Variants in PLEKHM1 observed in about 807,000 individuals in gnomAD.
PLEKHM1 encodes pleckstrin homology and RUN domain containing M1.
PLEKHM1 carries 28 observed loss-of-function variants against 94.3 expected under a neutral mutation model. The ratio of observed to expected loss-of-function variants is 0.30; its 90% CI spans 0.22 to 0.41. The LOEUF (loss-of-function observed/expected upper bound fraction) is 0.41. PLEKHM1 is among the 10% of genes least tolerant of loss of function. The pLI, the probability that PLEKHM1 is intolerant of heterozygous loss-of-function variation, is 1.00. For missense variants in PLEKHM1, 907 were observed against 1,358.6 expected, an observed-to-expected ratio of 0.67 and a Z score of 5.22; for synonymous variants, 424 against 581.2, an observed-to-expected ratio of 0.73 and a Z score of 3.89.
Position 45,468,478 on chromosome 17 carries a change from T to C in PLEKHM1, c.1039A>G (p.Ser347Gly). ...GGTGCCTCACAGTGCAGGTATGTGC[T>C]GGTGTTGAGGCCATGGAGGGAGAGC... ...ASLSLHGLNTSTYLHCEAPAE... is the reference protein window; with the variant it reads ...ASLSLHGLNTGTYLHCEAPAE... The change falls in exon 5 of 12, where the codon AGC becomes GGC. Residue 347 changes from serine (S) to glycine (G), a missense_variant. Ser to Gly is a moderately conservative substitution (Grantham distance 56). Around this residue, in one of 3 missense-constraint regions of PLEKHM1, gnomAD observed 477 missense variants for 601.5 expected, o/e 0.79. Transcript: ENST00000430334. 6.2e-7 allele frequency: 1 copy of C among 1,614,194 alleles called. No individual in the cohort carries two copies. Among genetic ancestry groups the C allele is most frequent in the Non-Finnish European group, 8.5e-7 (1 of 1,180,030 alleles).
Position 45,453,148 on chromosome 17 carries a change from G to C in PLEKHM1, c.2497+207C>G. 6 of 629,054 alleles carry C rather than the reference G, an allele frequency of 9.5e-6. No homozygotes were observed. In the South Asian group the frequency reaches 1.1e-4, roughly 11 times the overall value. 39.0% of individuals were successfully genotyped at this position (629,054 alleles called of 1,614,324 possible). ...TGGCAGGAGAGGGACGGGTGAGCAG[G>C]GCCCACTGCCTATGAGCAGGGCACT... On this transcript the variant is annotated intron_variant, in intron 7 of 11. Transcript: ENST00000430334. This position sits in a 1 kb window ranked among gnomAD's most constrained non-coding sequence, Gnocchi z 4.1.
chr17:45,440,246 G>A lies in PLEKHM1; in HGVS notation c.2838-20C>T, dbSNP rs1567760362. Reference sequence around the variant, plus strand: ...TTGAGCCTTCAAACAAAACACAAGCGATTCTTTAGAAAGGTTTCCAGAACC... The same window carrying A: ...TTGAGCCTTCAAACAAAACACAAGCAATTCTTTAGAAAGGTTTCCAGAACC... On this transcript the variant is annotated intron_variant, in intron 9 of 11. Transcript: ENST00000430334. The A allele has an allele frequency of 6.8e-6, 11 of 1,612,254 alleles. No individual in the cohort carries two copies. Among genetic ancestry groups the A allele is most frequent in the Non-Finnish European group, 9.3e-6 (11 of 1,178,318 alleles).
chr17:45,453,184 G>A lies in PLEKHM1; in HGVS notation c.2497+171C>T, dbSNP rs56278545. The A allele has an allele frequency of 0.51, 338,264 of 661,858 alleles. 88,682 individuals are homozygous for A. The highest frequency in any genetic ancestry group is 0.6 in the South Asian group (36,154 of 60,342). The allele number at this position is 661,858 out of a possible 1,614,324, so 41.0% of individuals were successfully genotyped here. Reference sequence around the variant, plus strand: ...TATGAGCAGGGCACTGGCCCCAGCCGGGGCTGGGGAGGAGCAGAAGCTGTA... The same window carrying A: ...TATGAGCAGGGCACTGGCCCCAGCCAGGGCTGGGGAGGAGCAGAAGCTGTA... On this transcript the variant is annotated intron_variant, in intron 7 of 11. Transcript: ENST00000430334. This position sits in a 1 kb window ranked among gnomAD's most constrained non-coding sequence, Gnocchi z 4.1.
chr17:45,475,620 G>T lies in PLEKHM1; in HGVS notation c.403C>A (p.Leu135Met). 7.4e-6 allele frequency: 12 copies of T among 1,614,086 alleles called. No individual in the cohort carries two copies. The highest frequency in any genetic ancestry group is 1.0e-5 in the Non-Finnish European group (12 of 1,179,990). Reference sequence around the variant, plus strand: ...GCCTGCTCCTGCAGCAGCAGCTTCAGGTAGCACTCCATCAGGCCATCGTTC... The same window carrying T: ...GCCTGCTCCTGCAGCAGCAGCTTCATGTAGCACTCCATCAGGCCATCGTTC... ...ALNDGLMECY[L>M]KLLLQEQARL... is the part of the protein sequence containing the mutation. The change falls in exon 4 of 12, where the codon CTG (leucine) becomes ATG (methionine). Residue 135 changes from leucine to methionine, a missense_variant. Around this residue, in one of 3 missense-constraint regions of PLEKHM1, gnomAD observed 176 missense variants for 306.0 expected, o/e 0.58. Transcript: ENST00000430334.
intron 2 of PLEKHM1, among the ~76,000 whole-genome samples, chr17:45,479,791 G>C (rs953414621): frequency 6.6e-6 from 1 of 152,196 alleles, no homozygotes; most frequent in African/African-American, 2.4e-5. Flanking sequence ...GTCAACACTT[G>C]GCACTGTGCC....
chr17:45,486,919 G>T (rs1445430774), intron 1 of PLEKHM1, among the ~76,000 whole-genome samples: 1 of 152,174 alleles, frequency 6.6e-6, no homozygotes, highest in Admixed American at 6.5e-5. Context: ...ACAGTACTGC[G>T]TCACCCACCC....
intron 4 of PLEKHM1, among the ~76,000 whole-genome samples, chr17:45,471,573 T>C (rs1294159991): frequency 6.6e-6 from 1 of 151,360 alleles, no homozygotes; most frequent in Non-Finnish European, 1.5e-5. Flanking sequence ...CTGGCCAACA[T>C]AGTGAAACCC....
chr17:45,438,793 G>A (rs1234569813), intron 11 of PLEKHM1, among the ~76,000 whole-genome samples: 4 of 152,096 alleles, frequency 2.6e-5, no homozygotes, highest in Non-Finnish European at 5.9e-5. Flanking sequence ...CTGACCTCAA[G>A]TGATCCACCT....
chr17:45,485,114 A>G (rs1384050211), intron 1 of PLEKHM1, among the ~76,000 whole-genome samples: 1 of 151,924 alleles, frequency 6.6e-6, no homozygotes, highest in Non-Finnish European at 1.5e-5. Flanking sequence ...ACCCTTCACC[A>G]TAGTCTGCTC....
chr17:45,464,131 C>T (rs1567787241), intron 5 of PLEKHM1: 1 of 152,192 alleles, frequency 6.6e-6, no homozygotes, highest in Non-Finnish European at 1.5e-5. Context: ...AACTCACAAC[C>T]CCCAGATCCC....
intron 6 of PLEKHM1, among the ~76,000 whole-genome samples, chr17:45,457,597 TACCTGTA>T (rs2051006504): frequency 6.7e-6 from 1 of 149,594 alleles, no homozygotes; most frequent in African/African-American, 2.5e-5. Context: ...TGGTGGCAGG[TACCTGTA>T]ATCCCAGCTA....
Position 45,445,255 on chromosome 17 carries a change from G to A in PLEKHM1, c.2837+215C>T, listed in dbSNP as rs2050567284. 6.6e-6 allele frequency among the ~76,000 whole-genome samples: 1 copy of A among 152,260 alleles called. No individual in the cohort carries two copies. The highest frequency in any genetic ancestry group is 2.4e-5 in the African/African-American group (1 of 41,474). On this transcript the variant is annotated intron_variant, in intron 9 of 11. Transcript: ENST00000430334. This position sits in a 1 kb window ranked among gnomAD's most constrained non-coding sequence, Gnocchi z 4.2. ...CTTGCCCTGGGCACTGCCCCTGTGT[G>A]TGTGTGCATGTGCACGAGTGCCTGC...
rs117755594 is a variant in PLEKHM1, at chr17:45,440,366, C to T, written c.2838-140G>A. On this transcript the variant is annotated intron_variant, in intron 9 of 11. Coordinates refer to ENST00000430334, the MANE Select transcript of PLEKHM1 (RefSeq NM_014798.3). ...CGGGGCAGGGGCTAGGAGTGTAATT[C>T]GGCCTGCCTGGGCTTGGGGCCTGGT... The T allele has an allele frequency of 0.037, 30,371 of 816,832 alleles. 787 individuals are homozygous for T. Among genetic ancestry groups the T allele is most frequent in the Non-Finnish European group, 0.051 (24,575 of 481,914 alleles). 50.6% of individuals were successfully genotyped at this position (816,832 alleles called of 1,614,324 possible).
chr17:45,453,827 C>G lies in PLEKHM1; in HGVS notation c.2025G>C (p.Ser675=). ...AALQGTQFDW[S]SAQVPEPDAI... Reference sequence around the variant, plus strand: ...CATCTGGCTCTGGAACCTGGGCGGACGACCAGTCAAACTGTGTGCCCTGGA... The same window carrying G: ...CATCTGGCTCTGGAACCTGGGCGGAGGACCAGTCAAACTGTGTGCCCTGGA... The change falls in exon 7 of 12, where the codon TCG becomes TCC. Residue 675 remains serine (S), a synonymous_variant. Coordinates refer to ENST00000430334, the MANE Select transcript of PLEKHM1 (RefSeq NM_014798.3). The surrounding 1 kb of genome is among the most constrained non-coding windows in gnomAD (Gnocchi z 4.1). The G allele has an allele frequency of 6.2e-7, 1 of 1,613,996 alleles. No homozygotes were observed. The highest frequency in any genetic ancestry group is 1.1e-5 in the South Asian group (1 of 91,082).
intron 1 of PLEKHM1, among the ~76,000 whole-genome samples, chr17:45,490,356 G>GTAA (rs573951517): frequency 1.7e-3 from 258 of 152,256 alleles, no homozygotes; most frequent in Middle Eastern, 6.8e-3. Flanking sequence ...TGGAACTGGG[G>GTAA]TAAAGTGGGG....
intron 5 of PLEKHM1, among the ~76,000 whole-genome samples, chr17:45,464,633 C>T (rs1442383129): frequency 2.6e-5 from 4 of 152,048 alleles, no homozygotes; most frequent in African/African-American, 9.7e-5. Flanking sequence ...GTGAGACAGA[C>T]ACAGGACGGG....
Position 45,445,904 on chromosome 17 carries a change from G to T in PLEKHM1, c.2644-241C>A, listed in dbSNP as rs2050592438. ...ACCCGCTCTCCCTCTAATGACAAGGGTCACTGCCCCCTCCCCAATCATGCT... is the reference window on the plus strand; with the variant it reads ...ACCCGCTCTCCCTCTAATGACAAGGTTCACTGCCCCCTCCCCAATCATGCT... On this transcript the variant is annotated intron_variant, in intron 8 of 11. Coordinates refer to ENST00000430334, the MANE Select transcript of PLEKHM1 (RefSeq NM_014798.3). The surrounding 1 kb of genome is among the most constrained non-coding windows in gnomAD (Gnocchi z 4.2). 6.6e-6 allele frequency among the ~76,000 whole-genome samples: 1 copy of T among 152,206 alleles called. No homozygotes were observed. The highest frequency in any genetic ancestry group is 1.5e-5 in the Non-Finnish European group (1 of 68,044).
intron 11 of PLEKHM1, 94 bp from the exon 12 acceptor site, chr17:45,438,063 C>T (rs1043965398): frequency 2.4e-5 from 21 of 888,414 alleles, no homozygotes; most frequent in South Asian, 9.5e-5. Context: ...ACCCACGATA[C>T]GGCTGTGATG....
intron 9 of PLEKHM1, among the ~76,000 whole-genome samples, chr17:45,441,303 G>A (rs959627095): frequency 1.2e-4 from 18 of 152,192 alleles, no homozygotes; most frequent in Admixed American, 1.2e-3. Flanking sequence ...ATGGGGGCTT[G>A]GCCTTGTCCC....
Sources: allele counts gnomAD v4.1 joint callset (sites outside exome capture counted in the v4.1 genomes callset), GRCh38; gene constraint gnomAD v4.1.1; regional missense constraint gnomAD v4.1.1; non-coding constraint Gnocchi (gnomAD v3.1); transcripts MANE v1.5; gene names NCBI Gene and HGNC (gene_info 2026-07-23, HGNC 2026-07-21).